The following PDE1C variants were observed in gnomAD, a reference collection of about 807,000 sequenced individuals.
The protein encoded by PDE1C is phosphodiesterase 1C.
Under a neutral mutation model 93.1 loss-of-function variants are expected in PDE1C, and 62 were observed. The observed-to-expected ratio is 0.67, with a 90% CI of 0.54 to 0.82. The LOEUF (loss-of-function observed/expected upper bound fraction) is 0.82. Among genes scored for constraint, PDE1C ranks in the 40% least tolerant of loss-of-function variants. The pLI is 0.00. For missense variants in PDE1C, 742 were observed against 884.6 expected (o/e 0.84, Z 2.04); for synonymous variants, 325 against 310.1 (o/e 1.05, Z -0.50).
chr7:31,892,655 G>A (rs967380950), intron 2 of PDE1C, among the ~76,000 whole-genome samples: 2 of 151,712 alleles, frequency 1.3e-5, no homozygotes, highest in Admixed American at 6.6e-5. Context: ...ACCATTCTAT[G>A]TTCTGCTTCT....
chr7:31,914,546 C>G (rs1239669001), intron 2 of PDE1C, among the ~76,000 whole-genome samples: 2 of 152,158 alleles, frequency 1.3e-5, no homozygotes, highest in Non-Finnish European at 2.9e-5. Flanking sequence ...CTATAGTCAA[C>G]TCACTCTAAG....
At chr7:32,202,279 G>A (rs1351118721) in intron 2 of PDE1C, among the ~76,000 whole-genome samples, 1 of 152,170 alleles carries the variant, frequency 6.6e-6, no homozygotes, top group Non-Finnish European at 1.5e-5. Context: ...ACTCTATCAA[G>A]CACATTCAAA....
At chr7:31,927,836 C>T (rs1803605419) in intron 2 of PDE1C, among the ~76,000 whole-genome samples, 1 of 152,104 alleles carries the variant, frequency 6.6e-6, no homozygotes, top group Non-Finnish European at 1.5e-5. Context: ...TGAGGAAAAA[C>T]CAGTGCAAAA....
At chr7:31,779,908 C>T (rs1215831796) in intron 16 of PDE1C, among the ~76,000 whole-genome samples, 2 of 152,096 alleles carry the variant, frequency 1.3e-5, no homozygotes, top group Non-Finnish European at 2.9e-5. Flanking sequence ...CTCTCATGTC[C>T]AGGAAGAACA....
intron 2 of PDE1C, among the ~76,000 whole-genome samples, chr7:31,918,708 T>A (rs1191785124): frequency 6.6e-6 from 1 of 152,218 alleles, no homozygotes; most frequent in African/African-American, 2.4e-5. Context: ...TGACATCTAT[T>A]TTCTTCTGTC....
the PDE1C span, chr7:31,652,642 CTG>C: frequency 4.3e-6 from 7 of 1,613,868 alleles, no homozygotes; most frequent in African/African-American, 1.3e-5. Context: ...GCCCCGAGGA[CTG>C]TGTTTCCTCC....
chr7:31,731,002 A>G, the PDE1C span, among the ~76,000 whole-genome samples: 1 of 152,104 alleles, frequency 6.6e-6, no homozygotes, highest in East Asian at 1.9e-4. Context: ...GAGTCAAACT[A>G]GAAAATTTAC....
chr7:31,749,897 C>G (rs111956987), downstream of PDE1C, among the ~76,000 whole-genome samples: 4,287 of 151,928 alleles, frequency 0.028, 86 homozygotes, highest in Middle Eastern at 0.051. Flanking sequence ...GCCACCACAC[C>G]CAGCTATTTT....
chr7:31,643,972 A>G, the PDE1C span: 25 of 1,579,148 alleles, frequency 1.6e-5, no homozygotes, highest in Admixed American at 4.5e-4. Flanking sequence ...TCACCCTGGC[A>G]AAGATGGAAA....
At chr7:32,387,643 C>G (rs1784659854) in intron 1 of PDE1C, among the ~76,000 whole-genome samples, 1 of 149,612 alleles carries the variant, frequency 6.7e-6, no homozygotes, top group African/African-American at 2.5e-5. Context: ...ATCCCCCCAC[C>G]TCCCTCCCGG....
chr7:31,982,671 T>C (rs1200323614), intron 2 of PDE1C, among the ~76,000 whole-genome samples: 4 of 152,086 alleles, frequency 2.6e-5, no homozygotes, highest in Non-Finnish European at 4.4e-5. Flanking sequence ...AAGTGCCTAA[T>C]TGGAGTCAAG....
At chr7:31,746,038 C>G in the PDE1C span, among the ~76,000 whole-genome samples, 1 of 151,894 alleles carries the variant, frequency 6.6e-6, no homozygotes, top group Non-Finnish European at 1.5e-5. Flanking sequence ...TGAGAGAAGC[C>G]CTCTGGGTAA....
intron 3 of PDE1C, among the ~76,000 whole-genome samples, chr7:32,092,907 G>A (rs1349462498): frequency 6.6e-6 from 1 of 152,140 alleles, no homozygotes; most frequent in Non-Finnish European, 1.5e-5. Context: ...AGTTTAGAAA[G>A]GCAAGCAATT....
At chr7:32,070,238 TAAAATAA>T in intron 1 of PDE1C, 48 bp downstream of exon 1, 1 of 1,610,582 alleles carries the variant, frequency 6.2e-7, no homozygotes, top group African/African-American at 1.3e-5. Context: ...GGCTGTGTGG[TAAAATAA>T]GGATGGGAGC....
chr7:32,207,351 G>A (rs1440311044), intron 2 of PDE1C, among the ~76,000 whole-genome samples: 1 of 138,520 alleles, frequency 7.2e-6, no homozygotes, highest in African/African-American at 3.0e-5. Context: ...TCATCTTCCA[G>A]TCTCAAAAAA....
At chr7:32,050,366 G>C (rs986292823) in intron 2 of PDE1C, among the ~76,000 whole-genome samples, 5 of 152,170 alleles carry the variant, frequency 3.3e-5, no homozygotes, top group African/African-American at 1.2e-4. Context: ...AAAGAATAAA[G>C]ATGGAGGTTG....
intron 1 of PDE1C, among the ~76,000 whole-genome samples, chr7:32,284,836 C>CAACTGG (rs1403457588): frequency 1.3e-5 from 2 of 151,996 alleles, no homozygotes; most frequent in Non-Finnish European, 2.9e-5. Context: ...AGTTCAAGAC[C>CAACTGG]AACTGGCCAA....
intron 2 of PDE1C, among the ~76,000 whole-genome samples, chr7:31,960,267 G>A (rs749920432): frequency 4.6e-5 from 7 of 152,108 alleles, no homozygotes; most frequent in Admixed American, 1.3e-4. Context: ...GCCCAACAAC[G>A]GGACAACTGA....
chr7:32,043,869 A>C (rs903365386), intron 2 of PDE1C, among the ~76,000 whole-genome samples: 3 of 152,228 alleles, frequency 2.0e-5, no homozygotes, highest in Non-Finnish European at 4.4e-5. Context: ...ATGAGAGTCT[A>C]CGTGTGGGAG....
Sources: gnomAD v4.1 joint callset for allele counts (sites outside exome capture counted in the v4.1 genomes callset) on GRCh38, gnomAD v4.1.1 for gene constraint, MANE v1.5 for transcripts, NCBI Gene and HGNC (gene_info 2026-07-23, HGNC 2026-07-21) for gene names.